Variants in SLC2A9 observed in about 807,000 individuals in gnomAD.
The protein encoded by SLC2A9 is solute carrier family 2, facilitated glucose transporter member 9.
Under a neutral mutation model 50.6 loss-of-function variants are expected in SLC2A9, and 39 were observed. The observed-to-expected ratio is 0.77, with a 90% CI of 0.60 to 1.01. SLC2A9 has a LOEUF of 1.01. Among genes scored for constraint, SLC2A9 ranks in the 50% least tolerant of loss-of-function variants. The pLI, the probability that SLC2A9 is intolerant of heterozygous loss-of-function variation, is 0.00. For missense variants in SLC2A9, 686 were observed against 677.6 expected (o/e 1.01, Z -0.14); for synonymous variants, 324 against 276.9 (o/e 1.17, Z -1.69).
At chr4:9,999,227 T>G (rs888269435) in intron 2 of SLC2A9, among the ~76,000 whole-genome samples, 11 of 152,034 alleles carry the variant, frequency 7.2e-5, no homozygotes, top group African/African-American at 1.9e-4. Flanking sequence ...GATAAATTTT[T>G]TTTGTTTGTT....
chr4:9,803,141 T>C (rs1721683811), intron 3 of SLC2A9, among the ~76,000 whole-genome samples: 1 of 152,246 alleles, frequency 6.6e-6, no homozygotes, highest in Admixed American at 6.5e-5. Context: ...ACTTAGCCTT[T>C]GTAGGTTTCA....
At chr4:9,818,461 C>T (rs769805485) in intron 3 of SLC2A9, among the ~76,000 whole-genome samples, 32 of 152,338 alleles carry the variant, frequency 2.1e-4, no homozygotes, top group South Asian at 1.5e-3. Context: ...ACAGCTTGAA[C>T]TCAACTACTC....
chr4:10,026,091 G>A (rs114858956), upstream of SLC2A9: 1,030 of 969,146 alleles, frequency 1.1e-3, 9 homozygotes, highest in African/African-American at 0.014. Context: ...AGCAGTCTTC[G>A]AAAGGTTTGC....
chr4:9,935,688 G>A (rs1339365985), intron 6 of SLC2A9, among the ~76,000 whole-genome samples: 3 of 152,204 alleles, frequency 2.0e-5, no homozygotes. Context: ...AGTCATTGGT[G>A]AGGAAGCCCA....
intron 5 of SLC2A9, among the ~76,000 whole-genome samples, chr4:9,978,987 G>A (rs549712899): frequency 2.0e-5 from 3 of 152,320 alleles, no homozygotes; most frequent in African/African-American, 7.2e-5. Flanking sequence ...CACTGAATGA[G>A]AAAGGAGCTG....
At position 9,771,500 on chromosome 4, in the gene SLC2A9, G is replaced by A. The variant is rs1716810810; in HGVS notation, n.182-131C>T. 1.0e-5 allele frequency: 4 copies of A among 398,692 alleles called. No individual in the cohort carries two copies. In the Admixed American group the frequency reaches 1.3e-4, roughly 13 times the overall value. The allele number at this position is 398,692 out of a possible 1,614,324, so 24.7% of individuals were successfully genotyped here. A position where few individuals can be genotyped will look rare whatever the true frequency, so the allele number is the denominator to read the frequency against. ...ACCCAACACAACTGCCAAAGAGTCT[G>A]GGAAGCATAGAGAGTGCACAGATAG... is the stretch of plus-strand genomic sequence containing the variant. On this transcript the variant is annotated intron_variant and non_coding_transcript_variant, in intron 1 of 1. Coordinates refer to the SLC2A9 transcript ENST00000508585.
At chr4:9,974,480 A>T (rs1366625907) in intron 5 of SLC2A9, among the ~76,000 whole-genome samples, 1 of 151,932 alleles carries the variant, frequency 6.6e-6, no homozygotes, top group Non-Finnish European at 1.5e-5. Context: ...GTTCAAGCTG[A>T]GAGCCAAAGC....
At chr4:9,856,615 C>T (rs946891271) in intron 10 of SLC2A9, among the ~76,000 whole-genome samples, 20 of 152,228 alleles carry the variant, frequency 1.3e-4, no homozygotes, top group African/African-American at 4.8e-4. Context: ...TTATTGGGTA[C>T]ACACTCAAAG....
At chr4:9,920,119 T>C (rs986935777) in intron 7 of SLC2A9, among the ~76,000 whole-genome samples, 1 of 152,236 alleles carries the variant, frequency 6.6e-6, no homozygotes, top group African/African-American at 2.4e-5. Flanking sequence ...GAATAATTAG[T>C]GATAGCATTT....
intron 3 of SLC2A9, chr4:9,995,991 A>G (rs1455599714): frequency 6.6e-6 from 1 of 152,596 alleles, no homozygotes; most frequent in Admixed American, 6.5e-5. Context: ...TATGAACAAG[A>G]ATACAGAGAA....
intron 3 of SLC2A9, among the ~76,000 whole-genome samples, chr4:9,784,940 G>A (rs78999340): frequency 6.6e-6 from 1 of 152,180 alleles, no homozygotes; most frequent in Non-Finnish European, 1.5e-5. Flanking sequence ...GGCACATAGT[G>A]CTTAATAAAT....
rs186366624 is a variant in SLC2A9, at chr4:9,912,737, C to T, written c.1003-4392G>A. Among the ~76,000 whole-genome samples the T allele has an allele frequency of 9.8e-5, 15 of 152,324 alleles. No homozygotes were observed. In the East Asian group the frequency reaches 1.3e-3, roughly 14 times the overall value. ...TGTGGTGAGCAGAACAACAGCCCCC[C>T]GCTCTCAAAATGTTCACATGCTAAT... is the stretch of plus-strand genomic sequence containing the variant. On this transcript the variant is annotated intron_variant, in intron 7 of 11. Coordinates refer to ENST00000264784, the MANE Select transcript of SLC2A9 (RefSeq NM_020041.3).
At chr4:10,008,918 C>A (rs7700047) in intron 2 of SLC2A9, among the ~76,000 whole-genome samples, 1 of 130,916 alleles carries the variant, frequency 7.6e-6, no homozygotes, top group Admixed American at 7.8e-5. Flanking sequence ...TTTTTTTTTT[C>A]CTAATGGAAG....
chr4:9,932,488 G>A (rs988000986), intron 6 of SLC2A9, among the ~76,000 whole-genome samples: 14 of 152,240 alleles, frequency 9.2e-5, no homozygotes, highest in African/African-American at 3.1e-4. Context: ...GTCATAATGA[G>A]TGCTAAAAAG....
rs190051031 is a variant in SLC2A9, at chr4:10,027,909, C to T, written c.-40-1903G>A. 1.7e-4 allele frequency among the ~76,000 whole-genome samples: 26 copies of T among 152,260 alleles called. No homozygotes were observed. The East Asian group carries it at 4.2e-3, about 25-fold the overall frequency. On this transcript the variant is annotated intron_variant, in intron 1 of 12. Coordinates refer to the SLC2A9 transcript ENST00000309065. ...TGCGGTTGATTAATAACTATAGTTA[C>T]CCTGCTGATCTACGGAACACCAGGC...
intron 10 of SLC2A9, among the ~76,000 whole-genome samples, chr4:9,847,407 C>T (rs923743083): frequency 1.4e-4 from 21 of 152,346 alleles, no homozygotes; most frequent in African/African-American, 4.3e-4. Flanking sequence ...CCTCCGTGAT[C>T]CAATCACCTC....
At chr4:9,858,865 G>C (rs6825480) in intron 10 of SLC2A9, among the ~76,000 whole-genome samples, 144,561 of 152,298 alleles carry the variant, frequency 0.95, 68,745 homozygotes, top group Middle Eastern at 0.97. Context: ...ATCTAATCAG[G>C]TGCCAGTGCT....
At chr4:9,977,981 TCGAC>T (rs763767518) in intron 5 of SLC2A9, among the ~76,000 whole-genome samples, 8 of 152,210 alleles carry the variant, frequency 5.3e-5, no homozygotes, top group Non-Finnish European at 1.0e-4. Context: ...TAAGATGCCA[TCGAC>T]TGGCGGGACA....
In SLC2A9 at chr4:9,931,985, T is replaced by TATATATATATATATATATATATATAC. The variant is rs1553879027; in HGVS notation, c.814+9927_814+9928insGTATATATATATATATATATATATAT. On this transcript the variant is annotated intron_variant, in intron 6 of 11. Coordinates refer to ENST00000264784, the MANE Select transcript of SLC2A9 (RefSeq NM_020041.3). The stretch of plus-strand genomic sequence containing the variant: ...CTCTATATATATATATATATATATA[T>TATATATATATATATATATATATATAC]ATATATATATATATGCCTTGCCTGA... 4.2e-5 allele frequency among the ~76,000 whole-genome samples: 4 copies of TATATATATATATATATATATATATAC among 95,686 alleles called. 1 individual carries two copies. The highest frequency in any genetic ancestry group is 8.9e-5 in the African/African-American group (2 of 22,514). 62.8% of individuals were successfully genotyped at this position (95,686 alleles called of 152,430 possible).
Sources: gnomAD v4.1 joint callset for allele counts (sites outside exome capture counted in the v4.1 genomes callset) on GRCh38, gnomAD v4.1.1 for gene constraint, MANE v1.5 for transcripts, NCBI Gene and HGNC (gene_info 2026-07-23, HGNC 2026-07-21) for gene names.